Variants in SRPK1 observed in about 807,000 individuals in gnomAD.
The protein encoded by SRPK1 is SRSF protein kinase 1.
In SRPK1, 52 loss-of-function variants were observed where a neutral mutation model predicts 89.5. The ratio of observed to expected loss-of-function variants is 0.58; its 90% CI spans 0.46 to 0.73. SRPK1 has a LOEUF of 0.73. Ranked by LOEUF, SRPK1 falls within the 30% of genes least tolerant of loss-of-function variation. The probability of loss-of-function intolerance (pLI) is 0.00; values close to 1 mark genes in which losing one functional copy is unlikely to be tolerated. For synonymous variants in SRPK1, 255 were observed against 270.2 expected (o/e 0.94, Z 0.55); for missense variants, 603 against 780.6 (o/e 0.77, Z 2.71).
intron 2 of SRPK1, among the ~76,000 whole-genome samples, chr6:35,906,746 T>A (rs1770855419): frequency 6.6e-6 from 1 of 152,132 alleles, no homozygotes; most frequent in African/African-American, 2.4e-5. Flanking sequence ...ACTGCAGTGA[T>A]GTTTGTGCAA....
chr6:35,841,976 A>C (rs1278373165), intron 14 of SRPK1, among the ~76,000 whole-genome samples: 1 of 152,172 alleles, frequency 6.6e-6, no homozygotes, highest in African/African-American at 2.4e-5. Context: ...AGACAAAGTA[A>C]CTGGCAGCCT....
chr6:35,859,121 T>C (rs1769723417), intron 12 of SRPK1, among the ~76,000 whole-genome samples: 1 of 152,138 alleles, frequency 6.6e-6, no homozygotes, highest in South Asian at 2.1e-4. Context: ...GATATAAACA[T>C]GGTATGATCA....
At chr6:35,867,643 C>G (rs1451446461) in intron 12 of SRPK1, among the ~76,000 whole-genome samples, 1 of 152,074 alleles carries the variant, frequency 6.6e-6, no homozygotes, top group African/African-American at 2.4e-5. Flanking sequence ...TGGTGAAACC[C>G]CTCCTCTACT....
At position 35,859,861 on chromosome 6, in the gene SRPK1, C is replaced by CT. The variant is rs879560712; in HGVS notation, c.1513-2494dup. ...AGTGAATGGCTGAAAAGAACGTAGT[C>CT]TTTTTTTTTTTTTTTGAGATGGAGT... is the stretch of plus-strand genomic sequence containing the variant. On this transcript the variant is annotated intron_variant, in intron 12 of 15. Coordinates refer to ENST00000373825, the MANE Select transcript of SRPK1 (RefSeq NM_003137.5). Among the ~76,000 whole-genome samples, 197 of 140,910 alleles carry CT rather than the reference C, an allele frequency of 1.4e-3. 1 individual carries two copies. The highest frequency in any genetic ancestry group is 1.8e-3 in the East Asian group (9 of 4,872). 92.4% of individuals were successfully genotyped at this position (140,910 alleles called of 152,430 possible).
At chr6:35,881,464 TATAG>T (rs1561984076) in intron 6 of SRPK1, among the ~76,000 whole-genome samples, 1 of 151,390 alleles carries the variant, frequency 6.6e-6, no homozygotes, top group African/African-American at 2.4e-5. Flanking sequence ...TAGATATAGA[TATAG>T]ATATAGATAT....
In SRPK1 at chr6:35,840,161, C is replaced by G. The variant is rs536156703; in HGVS notation, c.1691-1732G>C. Among the ~76,000 whole-genome samples the G allele has an allele frequency of 2.0e-5, 3 of 152,260 alleles. No homozygotes were observed. In the South Asian group the frequency reaches 6.2e-4, roughly 32 times the overall value. ...AGAAAATACTTTTATCGTGTAGTTA[C>G]AGAATCATTAAGGTTTAAACTTCCA... On this transcript the variant is annotated intron_variant, in intron 14 of 15. Coordinates refer to ENST00000373825, the MANE Select transcript of SRPK1 (RefSeq NM_003137.5).
At chr6:35,838,784 T>G (rs1769239495) in intron 14 of SRPK1, 1 of 1,378,682 alleles carries the variant, frequency 7.3e-7, no homozygotes. Context: ...AGCTCTATAA[T>G]GTGCACAATG....
chr6:35,880,370 G>A lies in SRPK1; in HGVS notation c.479-6031C>T, dbSNP rs925084151. 3.3e-5 allele frequency among the ~76,000 whole-genome samples: 5 copies of A among 152,006 alleles called. No homozygotes were observed. In the East Asian group the frequency reaches 9.7e-4, roughly 29 times the overall value. Reference sequence around the variant, plus strand: ...ATTGAAGAAAAGTGAAGAGGCTTAAGGGACCTGTGGGACATCATTGAGTAG... The same window carrying A: ...ATTGAAGAAAAGTGAAGAGGCTTAAAGGACCTGTGGGACATCATTGAGTAG... On this transcript the variant is annotated intron_variant, in intron 6 of 15. Coordinates refer to ENST00000373825, the MANE Select transcript of SRPK1 (RefSeq NM_003137.5).
At chr6:35,914,263 C>A (rs534535403) in intron 2 of SRPK1, among the ~76,000 whole-genome samples, 3 of 152,258 alleles carry the variant, frequency 2.0e-5, no homozygotes, top group African/African-American at 7.2e-5. Context: ...AGGCTTGAGT[C>A]ACCAGACCTG....
chr6:35,857,748 G>A (rs931473819), intron 12 of SRPK1, among the ~76,000 whole-genome samples: 1 of 152,170 alleles, frequency 6.6e-6, no homozygotes, highest in Non-Finnish European at 1.5e-5. Flanking sequence ...GATTACAGGC[G>A]TGAGCTACCA....
chr6:35,835,625 C>A (rs1443162280), intron 15 of SRPK1, 137 bp from the exon 16 acceptor site: 5 of 682,582 alleles, frequency 7.3e-6, no homozygotes, highest in South Asian at 7.2e-5. Flanking sequence ...CCTTCATTCA[C>A]AAAGCATTTC....
chr6:35,838,409 C>T lies in SRPK1; in HGVS notation c.1711G>A (p.Glu571Lys). ...RDEDHIALII[E>K]LLGKVPRKLI... is the part of the protein sequence containing the mutation. ...TTGCGAGGCACCTTCCCCAGAAGTT[C>T]TATGATCAATGCAATGTGATCTGTA... The change falls in exon 15 of 16, where the codon GAA (glutamate) becomes AAA (lysine). Residue 571 changes from glutamate (E) to lysine (K), a missense_variant. Glu to Lys is a moderately conservative substitution (Grantham distance 56). Transcript: ENST00000373825. 5 of 1,581,624 alleles carry T rather than the reference C, an allele frequency of 3.2e-6. No homozygotes were observed. Among genetic ancestry groups the T allele is most frequent in the Non-Finnish European group, 4.3e-6 (5 of 1,171,706 alleles).
At chr6:35,894,891 A>C (rs1158792017) in intron 2 of SRPK1, among the ~76,000 whole-genome samples, 1 of 152,214 alleles carries the variant, frequency 6.6e-6, no homozygotes, top group Non-Finnish European at 1.5e-5. Context: ...CTGAGAAAGA[A>C]GACATAGGAT....
At chr6:35,862,804 A>G (rs1769805870) in intron 12 of SRPK1, among the ~76,000 whole-genome samples, 1 of 152,044 alleles carries the variant, frequency 6.6e-6, no homozygotes, top group African/African-American at 2.4e-5. Flanking sequence ...TGAGAAATTT[A>G]CCAAGGTGAC....
intron 7 of SRPK1, among the ~76,000 whole-genome samples, chr6:35,873,462 T>C (rs1340154705): frequency 6.6e-6 from 1 of 152,078 alleles, no homozygotes; most frequent in Non-Finnish European, 1.5e-5. Context: ...ATTCTAAAGG[T>C]TGAATGAAAT....
intron 2 of SRPK1, among the ~76,000 whole-genome samples, chr6:35,894,931 C>T (rs1770598606): frequency 6.6e-6 from 1 of 151,954 alleles, no homozygotes; most frequent in Admixed American, 6.6e-5. Flanking sequence ...AGATCAAAAA[C>T]AGAAGAGCCA....
At chr6:35,858,915 G>C (rs1457617146) in intron 12 of SRPK1, among the ~76,000 whole-genome samples, 2 of 152,170 alleles carry the variant, frequency 1.3e-5, no homozygotes, top group Non-Finnish European at 2.9e-5. Context: ...CAGCGCTTTA[G>C]AAAGATAATA....
chr6:35,913,991 T>C (rs1489946930), intron 2 of SRPK1, among the ~76,000 whole-genome samples: 2 of 140,920 alleles, frequency 1.4e-5, no homozygotes, highest in African/African-American at 5.8e-5. Context: ...TTTTTTTTTT[T>C]TGAGATGGAG....
At chr6:35,898,099 A>G (rs1770660410) in intron 2 of SRPK1, among the ~76,000 whole-genome samples, 1 of 152,168 alleles carries the variant, frequency 6.6e-6, no homozygotes, top group Non-Finnish European at 1.5e-5. Flanking sequence ...ACAATTCTCA[A>G]TTCCAAAGAT....
Sources: allele counts gnomAD v4.1 joint callset (sites outside exome capture counted in the v4.1 genomes callset), GRCh38; gene constraint gnomAD v4.1.1; transcripts MANE v1.5; gene names NCBI Gene and HGNC (gene_info 2026-07-23, HGNC 2026-07-21).